CTNNBL1: variants seen among roughly 807,000 people sequenced by gnomAD.
The protein encoded by CTNNBL1 is beta-catenin-like protein 1.
CTNNBL1 carries 31 observed loss-of-function variants against 72.7 expected under a neutral mutation model. The observed-to-expected ratio is 0.43, with a 90% CI of 0.32 to 0.58. The LOEUF (loss-of-function observed/expected upper bound fraction) is 0.58, where lower values mean the gene tolerates loss of function less well. CTNNBL1 is among the 20% of genes least tolerant of loss of function. The pLI, the probability that CTNNBL1 is intolerant of heterozygous loss-of-function variation, is 0.08. For missense variants in CTNNBL1, 534 were observed against 725.1 expected (o/e 0.74, Z 3.03); for synonymous variants, 240 against 267.3 (o/e 0.90, Z 1.00).
At chr20:37,775,703 T>A (rs189868464) in intron 7 of CTNNBL1, among the ~76,000 whole-genome samples, 28 of 152,352 alleles carry the variant, frequency 1.8e-4, no homozygotes, top group African/African-American at 6.7e-4. Flanking sequence ...TGCTTAATTC[T>A]GTGTCTTCCC....
intron 11 of CTNNBL1, among the ~76,000 whole-genome samples, chr20:37,808,214 GC>G (rs2071977189): frequency 1.3e-5 from 2 of 152,130 alleles, no homozygotes; most frequent in Non-Finnish European, 2.9e-5. Flanking sequence ...TCTGTCATCA[GC>G]AAAGAATTGT....
At chr20:37,797,608 C>T (rs564307829) in intron 10 of CTNNBL1, among the ~76,000 whole-genome samples, 1 of 152,236 alleles carries the variant, frequency 6.6e-6, no homozygotes, top group African/African-American at 2.4e-5. Context: ...CTGGACATCA[C>T]GCCGTGTTCC....
chr20:37,829,698 C>G (rs1474251388), intron 11 of CTNNBL1, among the ~76,000 whole-genome samples: 1 of 152,164 alleles, frequency 6.6e-6, no homozygotes, highest in Non-Finnish European at 1.5e-5. Flanking sequence ...CCCCCCTCTT[C>G]CCTGTACCTG....
intron 1 of CTNNBL1, among the ~76,000 whole-genome samples, chr20:37,707,465 A>G (rs1600433878): frequency 6.6e-6 from 1 of 152,202 alleles, no homozygotes; most frequent in African/African-American, 2.4e-5. Context: ...CTTAAGCCTT[A>G]TGAATAAGCC....
chr20:37,759,224 GT>G (rs2073393281), intron 5 of CTNNBL1, among the ~76,000 whole-genome samples: 1 of 152,148 alleles, frequency 6.6e-6, no homozygotes, highest in Non-Finnish European at 1.5e-5. Flanking sequence ...TTGGGATGTC[GT>G]TTTGTTTTGA....
chr20:37,868,587 T>C (rs2072556655), intron 15 of CTNNBL1, among the ~76,000 whole-genome samples: 1 of 152,182 alleles, frequency 6.6e-6, no homozygotes. Context: ...GATATCCCCT[T>C]TCCAGAGAAT....
At chr20:37,734,236 A>G (rs952087159) in intron 2 of CTNNBL1, among the ~76,000 whole-genome samples, 6 of 152,228 alleles carry the variant, frequency 3.9e-5, no homozygotes, top group Admixed American at 6.5e-5. Context: ...CTCTGTCTTT[A>G]TTAGGATTTG....
Position 37,812,929 on chromosome 20 carries a change from G to GC in CTNNBL1, c.1213+9889dup, listed in dbSNP as rs35851338. On this transcript the variant is annotated intron_variant, in intron 11 of 15. Transcript: ENST00000361383. ...GTGAGAGAACTGGTGATTAGAAACA[G>GC]CCCCCCCCAGGAATGTGGCCCCCAA... is the stretch of plus-strand genomic sequence containing the variant. Among the ~76,000 whole-genome samples the GC allele has an allele frequency of 7.7e-3, 1,166 of 151,696 alleles. 14 individuals are homozygous for GC. The highest frequency in any genetic ancestry group is 0.026 in the African/African-American group (1,073 of 41,292).
chr20:37,788,922 A>G (rs1035282427), intron 10 of CTNNBL1, among the ~76,000 whole-genome samples: 4 of 152,162 alleles, frequency 2.6e-5, no homozygotes, highest in Non-Finnish European at 4.4e-5. Context: ...CCTGTGTTCA[A>G]ACTGTCTGGA....
chr20:37,820,167 G>A (rs1223593623), intron 11 of CTNNBL1, among the ~76,000 whole-genome samples: 1 of 151,926 alleles, frequency 6.6e-6, no homozygotes, highest in Admixed American at 6.6e-5. Flanking sequence ...ATGAGCCACC[G>A]CACCCTGCCC....
chr20:37,842,530 A>G lies in CTNNBL1; in HGVS notation c.1392+111A>G. 3 of 742,480 alleles carry G rather than the reference A, an allele frequency of 4.0e-6. No homozygotes were observed. In the East Asian group the frequency reaches 7.6e-5, roughly 19 times the overall value. The allele number at this position is 742,480 out of a possible 1,614,324, so 46.0% of individuals were successfully genotyped here. A position where few individuals can be genotyped will look rare whatever the true frequency, so the allele number is the denominator to read the frequency against. ...GGTAAGGGCAGCAGTGCCATCTAAC[A>G]TGTTATAGAAGTAGAGCAGATGATG... On this transcript the variant is annotated intron_variant, in intron 13 of 15. Coordinates refer to ENST00000361383, the MANE Select transcript of CTNNBL1 (RefSeq NM_030877.5).
chr20:37,823,149 G>C (rs2072125023), intron 11 of CTNNBL1, among the ~76,000 whole-genome samples: 1 of 152,200 alleles, frequency 6.6e-6, no homozygotes, highest in South Asian at 2.1e-4. Context: ...TGATGAGTCT[G>C]ATCCCTGTTA....
chr20:37,713,737 G>A (rs1872522450), intron 1 of CTNNBL1, among the ~76,000 whole-genome samples: 1 of 152,182 alleles, frequency 6.6e-6, no homozygotes, highest in Non-Finnish European at 1.5e-5. Flanking sequence ...TGAATGCAAA[G>A]CAGCTCATAG....
At chr20:37,831,588 G>A (rs1333371109) in intron 11 of CTNNBL1, among the ~76,000 whole-genome samples, 3 of 152,008 alleles carry the variant, frequency 2.0e-5, no homozygotes, top group Non-Finnish European at 4.4e-5. Context: ...GGGTGGTCTC[G>A]ATCTCCTAAC....
intron 15 of CTNNBL1, among the ~76,000 whole-genome samples, chr20:37,860,852 TTTAG>T (rs531940660): frequency 4.7e-4 from 72 of 152,360 alleles, no homozygotes; most frequent in African/African-American, 1.6e-3. Context: ...TTCTGTTTTA[TTTAG>T]TTATTGTTGT....
At chr20:37,707,425 C>A (rs186350815) in intron 1 of CTNNBL1, among the ~76,000 whole-genome samples, 22 of 152,332 alleles carry the variant, frequency 1.4e-4, no homozygotes, top group African/African-American at 4.6e-4. Flanking sequence ...GTTCACCTTG[C>A]GCTTTCATGT....
chr20:37,706,509 TC>T, intron 1 of CTNNBL1, among the ~76,000 whole-genome samples: 1 of 152,232 alleles, frequency 6.6e-6, no homozygotes, highest in Non-Finnish European at 1.5e-5. Flanking sequence ...TAGGAAACAT[TC>T]CATTCAAGTC....
At chr20:37,713,793 C>G (rs1161236567) in intron 1 of CTNNBL1, among the ~76,000 whole-genome samples, 4 of 152,144 alleles carry the variant, frequency 2.6e-5, no homozygotes, top group South Asian at 4.1e-4. Flanking sequence ...AAAGAATATA[C>G]GTTTTCTCCT....
intron 10 of CTNNBL1, among the ~76,000 whole-genome samples, chr20:37,795,669 T>C (rs901599218): frequency 1.3e-5 from 2 of 152,212 alleles, no homozygotes; most frequent in African/African-American, 4.8e-5. Context: ...AGTTTGGTCT[T>C]TTCTTCTATG....
Sources: allele counts gnomAD v4.1 joint callset (sites outside exome capture counted in the v4.1 genomes callset), GRCh38; gene constraint gnomAD v4.1.1; transcripts MANE v1.5; gene names NCBI Gene and HGNC (gene_info 2026-07-23, HGNC 2026-07-21).